THOC2: variants seen among roughly 807,000 people sequenced by gnomAD.
THOC2 encodes THO complex subunit 2.
Under a neutral mutation model 128.4 loss-of-function variants are expected in THOC2, and 10 were observed. The observed-to-expected ratio is 0.08, with a 90% CI of 0.05 to 0.13. THOC2 has a LOEUF of 0.13. Ranked by LOEUF, THOC2 falls within the 10% of genes least tolerant of loss-of-function variation. THOC2 has a pLI of 1.00. For missense variants in THOC2, 535 were observed against 1,155.7 expected (o/e 0.46, Z 7.79); for synonymous variants, 393 against 396.9 (o/e 0.99, Z 0.12).
chrX:123,695,738 T>C (rs2050422569), intron 7 of THOC2, among the ~76,000 whole-genome samples: 2 of 111,615 alleles, frequency 1.8e-5, no homozygotes, highest in African/African-American at 6.5e-5. Flanking sequence ...TTTGAAAGTG[T>C]TGGCTTACCA....
chrX:123,649,654 A>G (rs947907746), intron 12 of THOC2, among the ~76,000 whole-genome samples: 4 of 110,736 alleles, frequency 3.6e-5, no homozygotes, highest in Non-Finnish European at 5.7e-5. Context: ...AACTTCCTGA[A>G]GCATACACAA....
intron 12 of THOC2, among the ~76,000 whole-genome samples, chrX:123,657,684 C>T (rs187792074): frequency 9.2e-6 from 1 of 109,268 alleles, no homozygotes; most frequent in East Asian, 2.9e-4. Context: ...TGAAATTATA[C>T]TTTAAATGTA....
At chrX:123,615,680 C>A (rs978147518) in intron 33 of THOC2, among the ~76,000 whole-genome samples, 5 of 107,788 alleles carry the variant, frequency 4.6e-5, no homozygotes, top group African/African-American at 1.3e-4. Flanking sequence ...CACACACACA[C>A]AACCCTTATT....
At chrX:123,725,237 G>C (rs190805108) in intron 1 of THOC2, among the ~76,000 whole-genome samples, 2 of 111,006 alleles carry the variant, frequency 1.8e-5, no homozygotes, top group Admixed American at 1.9e-4. Context: ...TACTTCCCTG[G>C]AGAACTAGAC....
chrX:123,640,392 A>G (rs2047866165), intron 16 of THOC2, 146 bp downstream of exon 16: 1 of 349,568 alleles, frequency 2.9e-6, no homozygotes, highest in Non-Finnish European at 4.9e-6. Flanking sequence ...AAATAGATCA[A>G]TGTGTTAAAT....
intron 7 of THOC2, among the ~76,000 whole-genome samples, chrX:123,687,327 AC>A (rs1177224716): frequency 1.8e-5 from 2 of 111,949 alleles, no homozygotes; most frequent in Non-Finnish European, 3.8e-5. Context: ...ATCAAAGAAT[AC>A]CAAGGGAGTT....
rs775397046 is a variant in THOC2 at position 123,712,860 on chromosome X, T to C, written c.120A>G (p.Ser40=). Residue 40 remains serine, a synonymous_variant, in exon 2 of 39, where the codon TCA becomes TCG. Coordinates refer to ENST00000245838, the MANE Select transcript of THOC2 (RefSeq NM_001081550.2). ...TTTTAAAAATCTTACCTCTGTATGT[T>C]GAACTATCATGGCTTTTATTTTCAC... The part of the protein sequence containing the change: ...ILSENKSHDS[S]TYRDFQQALY... 8.6e-6 allele frequency: 10 copies of C among 1,163,804 alleles called. No homozygotes were observed. The South Asian group carries it at 1.9e-4, about 23-fold the overall frequency.
At chrX:123,687,571 G>T (rs1243709245) in intron 7 of THOC2, among the ~76,000 whole-genome samples, 1 of 111,785 alleles carries the variant, frequency 8.9e-6, no homozygotes, top group Non-Finnish European at 1.9e-5. Context: ...TGAGTTAGGG[G>T]ATTTTCCCAA....
intron 1 of THOC2, 135 bp downstream of exon 1, chrX:123,732,817 G>C: frequency 1.5e-6 from 1 of 663,871 alleles, no homozygotes; most frequent in Non-Finnish European, 2.4e-6. Context: ...GAAACTCCTA[G>C]ACGACCATCC....
intron 21 of THOC2, 149 bp from the exon 22 acceptor site, chrX:123,632,001 CA>C: frequency 1.2e-5 from 6 of 510,198 alleles, no homozygotes; most frequent in Non-Finnish European, 1.5e-5. Context: ...GACCATATTA[CA>C]AAAAAAGATG....
chrX:123,691,723 G>C (rs2050227839), intron 7 of THOC2, among the ~76,000 whole-genome samples: 1 of 111,558 alleles, frequency 9.0e-6, no homozygotes, highest in Non-Finnish European at 1.9e-5. Flanking sequence ...AGGCCAAAAA[G>C]GTCCTGGACC....
chrX:123,660,220 G>A (rs73546068), intron 12 of THOC2, among the ~76,000 whole-genome samples: 2,728 of 111,379 alleles, frequency 0.024, 78 homozygotes, highest in African/African-American at 0.084. Context: ...CAATGGAGAA[G>A]GCAAGAGGGG....
chrX:123,664,235 C>G (rs1396386200), intron 12 of THOC2, among the ~76,000 whole-genome samples: 1 of 112,010 alleles, frequency 8.9e-6, no homozygotes, highest in Non-Finnish European at 1.9e-5. Flanking sequence ...AAATGTTAGT[C>G]CTAAAACCAT....
chrX:123,690,760 T>C (rs1041841280), intron 7 of THOC2, among the ~76,000 whole-genome samples: 1 of 112,297 alleles, frequency 8.9e-6, no homozygotes, highest in African/African-American at 3.2e-5. Flanking sequence ...AAGAAAATCA[T>C]GTTTTTAACA....
At chrX:123,609,113 T>C (rs1384553534) in intron 38 of THOC2, among the ~76,000 whole-genome samples, 1 of 112,111 alleles carries the variant, frequency 8.9e-6, no homozygotes, top group Non-Finnish European at 1.9e-5. Context: ...GGCTGGCTCA[T>C]TCCTCATGAA....
chrX:123,728,710 CAGA>C (rs1367932931), intron 1 of THOC2, among the ~76,000 whole-genome samples: 2 of 111,392 alleles, frequency 1.8e-5, no homozygotes, highest in African/African-American at 6.5e-5. Flanking sequence ...CATGTAGTAG[CAGA>C]AGAAGAAAAA....
At chrX:123,688,016 G>T (rs914898556) in intron 7 of THOC2, among the ~76,000 whole-genome samples, 1 of 112,270 alleles carries the variant, frequency 8.9e-6, no homozygotes. Context: ...CTTAAATGCT[G>T]CTGATGGCAA....
chrX:123,609,017 C>T (rs1403178903), intron 38 of THOC2, among the ~76,000 whole-genome samples: 2 of 112,203 alleles, frequency 1.8e-5, no homozygotes, highest in Non-Finnish European at 3.8e-5. Context: ...AAATCTGTAG[C>T]ATAACCTTCA....
chrX:123,633,422 A>G (rs1245089775), intron 20 of THOC2, among the ~76,000 whole-genome samples: 3 of 111,314 alleles, frequency 2.7e-5, no homozygotes, highest in South Asian at 7.6e-4. Flanking sequence ...TTATTTTTTG[A>G]GACAGCATCT....
Sources: allele counts gnomAD v4.1 joint callset (sites outside exome capture counted in the v4.1 genomes callset), GRCh38; gene constraint gnomAD v4.1.1; transcripts MANE v1.5; gene names NCBI Gene and HGNC (gene_info 2026-07-23, HGNC 2026-07-21).